The following ITGAV variants were observed in gnomAD, a reference collection of about 807,000 sequenced individuals.
ITGAV encodes the protein integrin subunit alpha V.
Under a neutral mutation model 143.8 loss-of-function variants are expected in ITGAV, and 76 were observed. That is an observed-to-expected ratio of 0.53 (90% confidence interval 0.44 to 0.64). The LOEUF is 0.64. Among genes scored for constraint, ITGAV ranks in the 30% least tolerant of loss-of-function variants. ITGAV has a pLI of 0.00. For missense variants in ITGAV, 1,193 were observed against 1,274.7 expected, an observed-to-expected ratio of 0.94 and a Z score of 0.98; for synonymous variants, 453 against 446.7, an observed-to-expected ratio of 1.01 and a Z score of -0.18.
chr2:186,646,414 TG>T (rs1217243634), intron 12 of ITGAV, among the ~76,000 whole-genome samples: 1 of 152,186 alleles, frequency 6.6e-6, no homozygotes, highest in Non-Finnish European at 1.5e-5. Context: ...CCTAAATTAA[TG>T]TCTTTTCTGT....
intron 26 of ITGAV, among the ~76,000 whole-genome samples, chr2:186,671,695 C>T (rs978718574): frequency 1.3e-5 from 2 of 152,090 alleles, no homozygotes; most frequent in Non-Finnish European, 1.5e-5. Context: ...ATAATTACAA[C>T]ATTGAACCAC....
At chr2:186,669,029 C>T in intron 25 of ITGAV, 109 bp downstream of exon 25, 1 of 1,002,010 alleles carries the variant, frequency 1.0e-6, no homozygotes, top group Non-Finnish European at 1.4e-6. Context: ...ATAAAACCCA[C>T]TCTGCAAAAA....
In ITGAV at chr2:186,638,481, AT is replaced by A; in HGVS notation, c.903+17del. ...TGGCGAGCAGGTATGCTTCCAAAATATGATCGTCCTCTCCCACTATAAAAGC... is the reference window on the plus strand; with the variant it reads ...TGGCGAGCAGGTATGCTTCCAAAATAGATCGTCCTCTCCCACTATAAAAGC... On this transcript the variant is annotated intron_variant, in intron 10 of 29. Transcript: ENST00000261023. The A allele has an allele frequency of 6.3e-7, 1 of 1,599,462 alleles. No homozygotes were observed. Among genetic ancestry groups the A allele is most frequent in the Non-Finnish European group, 8.6e-7 (1 of 1,168,656 alleles).
chr2:186,619,032 G>A (rs563027509), intron 2 of ITGAV, among the ~76,000 whole-genome samples: 1 of 151,472 alleles, frequency 6.6e-6, no homozygotes, highest in Non-Finnish European at 1.5e-5. Context: ...AATGGATAAA[G>A]AAAACATGGT....
Position 186,675,611 on chromosome 2 carries a change from G to A in ITGAV, c.2714G>A (p.Gly905Glu), listed in dbSNP as rs780558422. ...AAGGATTTGTTTTGGCAGGGTTGTG[G>A]AGTTGCTCAGTGCTTGAAGATTGTC... is the stretch of plus-strand genomic sequence containing the variant. ...SEGDIHTLGC[G>E]VAQCLKIVCQ... Residue 905 changes from glycine to glutamate, a missense_variant, in exon 27 of 30, where the codon GGA becomes GAA. Gly to Glu is a moderately conservative substitution (Grantham distance 98, BLOSUM62 -2). Transcript: ENST00000261023. 1 of 1,612,360 alleles carries A rather than the reference G, an allele frequency of 6.2e-7. No homozygotes were observed. The highest frequency in any genetic ancestry group is 1.7e-5 in the Admixed American group (1 of 60,018).
chr2:186,611,293 A>G (rs925070024), intron 2 of ITGAV, among the ~76,000 whole-genome samples: 1 of 152,130 alleles, frequency 6.6e-6, no homozygotes, highest in Non-Finnish European at 1.5e-5. Flanking sequence ...TCACATATTT[A>G]TGTGTCAGTT....
Position 186,640,778 on chromosome 2 carries a change from C to T in ITGAV, c.904-137C>T, listed in dbSNP as rs753635050. On this transcript the variant is annotated intron_variant, in intron 10 of 29. Coordinates refer to ENST00000261023, the MANE Select transcript of ITGAV (RefSeq NM_002210.5). ...ATTGTCATTGTGTTGGTAGAATAAA[C>T]AAAAGACAAGACATTTAGATTGAAG... 3.9e-4 allele frequency: 259 copies of T among 664,572 alleles called. 1 individual carries two copies. Among genetic ancestry groups the T allele is most frequent in the Non-Finnish European group, 5.8e-4 (227 of 391,150 alleles). 41.2% of individuals were successfully genotyped at this position (664,572 alleles called of 1,614,324 possible).
intron 12 of ITGAV, 32 bp from the exon 13 acceptor site, chr2:186,646,654 T>C (rs759258252): frequency 5.3e-6 from 8 of 1,520,596 alleles, no homozygotes; most frequent in Non-Finnish European, 7.2e-6. Context: ...CTTCTGTCAT[T>C]CTCCTTCCCC....
chr2:186,608,000 G>T (rs1165419897), intron 2 of ITGAV, among the ~76,000 whole-genome samples: 1 of 152,278 alleles, frequency 6.6e-6, no homozygotes, highest in South Asian at 2.1e-4. Context: ...TGTTGCAAAA[G>T]ATATCATTTC....
At chr2:186,662,536 G>A (rs1688777122) in intron 18 of ITGAV, among the ~76,000 whole-genome samples, 1 of 152,004 alleles carries the variant, frequency 6.6e-6, no homozygotes, top group African/African-American at 2.4e-5. Context: ...TTCTCTTACT[G>A]CAAAACTTTT....
intron 5 of ITGAV, among the ~76,000 whole-genome samples, chr2:186,631,371 A>G (rs1287044728): frequency 1.3e-5 from 2 of 152,166 alleles, no homozygotes; most frequent in African/African-American, 4.8e-5. Flanking sequence ...GCAGGGCTCT[A>G]TGTATTTTTA....
At position 186,677,658 on chromosome 2, in the gene ITGAV, T is replaced by C. The variant is rs1446817842; in HGVS notation, c.*366T>C. 3.8e-5 allele frequency: 7 copies of C among 183,200 alleles called. No homozygotes were observed. Among genetic ancestry groups the C allele is most frequent in the Middle Eastern group, 2.6e-3 (1 of 382 alleles). 11.3% of individuals were successfully genotyped at this position (183,200 alleles called of 1,614,324 possible). A position where few individuals can be genotyped will look rare whatever the true frequency, so the allele number is the denominator to read the frequency against. Reference sequence around the variant, plus strand: ...ACTTTATTTGTTGTTGTTGTTGTTGTTGTTGTTGTTGTTTTAAAGCAGTCC... The same window carrying C: ...ACTTTATTTGTTGTTGTTGTTGTTGCTGTTGTTGTTGTTTTAAAGCAGTCC... On this transcript the variant is annotated 3_prime_UTR_variant, in exon 30 of 30. Coordinates refer to ENST00000261023, the MANE Select transcript of ITGAV (RefSeq NM_002210.5).
chr2:186,648,813 T>C (rs1425227583), intron 13 of ITGAV, among the ~76,000 whole-genome samples: 3 of 152,104 alleles, frequency 2.0e-5, no homozygotes. Context: ...TTCTTAACTA[T>C]ACATAAATAA....
chr2:186,651,903 AATATGAACCAAAAATATTT>A (rs1409771207), intron 14 of ITGAV, 60 bp from the exon 15 acceptor site: 26 of 777,376 alleles, frequency 3.3e-5, no homozygotes, highest in Non-Finnish European at 5.2e-5. Flanking sequence ...ATATGTAGTG[AATATGAACCAAAAATATTT>A]CAATCAACCT....
At chr2:186,629,120 T>C (rs984861071) in intron 4 of ITGAV, among the ~76,000 whole-genome samples, 2 of 152,180 alleles carry the variant, frequency 1.3e-5, no homozygotes, top group East Asian at 1.9e-4. Flanking sequence ...ATCAATAATA[T>C]TACTATTTGT....
At chr2:186,619,835 A>G (rs974006329) in intron 2 of ITGAV, among the ~76,000 whole-genome samples, 6 of 152,136 alleles carry the variant, frequency 3.9e-5, no homozygotes, top group African/African-American at 9.7e-5. Flanking sequence ...TACTGAAAGT[A>G]CAAAAAATTA....
At chr2:186,655,141 A>G (rs1212057184) in intron 16 of ITGAV, among the ~76,000 whole-genome samples, 1 of 152,206 alleles carries the variant, frequency 6.6e-6, no homozygotes, top group Non-Finnish European at 1.5e-5. Context: ...TGGTCATGCA[A>G]TTTAATTCAC....
intron 5 of ITGAV, among the ~76,000 whole-genome samples, chr2:186,632,501 A>G (rs772957431): frequency 3.3e-5 from 5 of 152,156 alleles, no homozygotes; most frequent in Non-Finnish European, 7.4e-5. Flanking sequence ...AAAAAAATTT[A>G]TCTTACCTCC....
chr2:186,600,359 A>G, intron 1 of ITGAV: 1 of 1,533,940 alleles, frequency 6.5e-7, no homozygotes, highest in East Asian at 2.5e-5. Context: ...CCTCCTTCTG[A>G]TCCTGTACAT....
Sources: allele counts gnomAD v4.1 joint callset (sites outside exome capture counted in the v4.1 genomes callset), GRCh38; gene constraint gnomAD v4.1.1; transcripts MANE v1.5; gene names NCBI Gene and HGNC (gene_info 2026-07-23, HGNC 2026-07-21).